The following EPHB1 variants were observed in gnomAD, a reference collection of about 807,000 sequenced individuals.
The protein encoded by EPHB1 is EPH receptor B1, also known as ephrin type-B receptor 1.
In EPHB1, 30 loss-of-function variants were observed where a neutral mutation model predicts 94.4. That is an observed-to-expected ratio of 0.32 (90% CI 0.24 to 0.43). The LOEUF is 0.43. Ranked by LOEUF, EPHB1 falls within the 20% of genes least tolerant of loss-of-function variation. EPHB1 has a pLI of 1.00. For synonymous variants in EPHB1, 522 were observed against 489.1 expected, an observed-to-expected ratio of 1.07 and a Z score of -0.89; for missense variants, 1,055 against 1,308.3, an observed-to-expected ratio of 0.81 and a Z score of 2.99.
At chr3:135,172,250 G>A (rs545757167) in intron 9 of EPHB1, among the ~76,000 whole-genome samples, 1 of 152,324 alleles carries the variant, frequency 6.6e-6, no homozygotes, top group African/African-American at 2.4e-5. Flanking sequence ...TCATCATCCA[G>A]CATAATGCCA....
intron 3 of EPHB1, among the ~76,000 whole-genome samples, chr3:134,963,931 C>T (rs1933627272): frequency 6.6e-6 from 1 of 152,196 alleles, no homozygotes; most frequent in South Asian, 2.1e-4. Context: ...TGATCATATT[C>T]ACCAGTGAGA....
chr3:134,941,694 A>G (rs555160895), intron 2 of EPHB1, among the ~76,000 whole-genome samples: 271 of 151,934 alleles, frequency 1.8e-3, no homozygotes, highest in African/African-American at 6.3e-3. Flanking sequence ...TGATTTTGAA[A>G]GGGGAACAGT....
chr3:135,013,701 T>C (rs1326564344), intron 3 of EPHB1, among the ~76,000 whole-genome samples: 4 of 152,190 alleles, frequency 2.6e-5, no homozygotes, highest in Non-Finnish European at 5.9e-5. Flanking sequence ...CCAAATATAT[T>C]CCCAAAGAGA....
At chr3:135,257,671 G>T (rs561077597) in intron 15 of EPHB1, among the ~76,000 whole-genome samples, 2 of 149,900 alleles carry the variant, frequency 1.3e-5, no homozygotes, top group African/African-American at 4.9e-5. Context: ...CTGTCTTTTT[G>T]TTTGTCTGTG....
At position 135,259,172 on chromosome 3, in the gene EPHB1, G is replaced by C; in HGVS notation, c.*52G>C. 2 of 1,412,090 alleles carry C rather than the reference G, an allele frequency of 1.4e-6. No homozygotes were observed. The highest frequency in any genetic ancestry group is 2.0e-6 in the Non-Finnish European group (2 of 1,017,046). 87.5% of individuals were successfully genotyped at this position (1,412,090 alleles called of 1,614,324 possible). On this transcript the variant is annotated 3_prime_UTR_variant, in exon 16 of 16. Transcript: ENST00000398015. ...GGAGGGAAAAGGACCAGGGTCAAGG[G>C]GGACCAGAGGTTGACCACTGTGGAA...
chr3:134,990,818 T>C (rs1399633901), intron 3 of EPHB1, among the ~76,000 whole-genome samples: 1 of 152,232 alleles, frequency 6.6e-6, no homozygotes, highest in Non-Finnish European at 1.5e-5. Context: ...AATCTGCACA[T>C]GTGGAAACCA....
chr3:134,849,911 A>C (rs1217687337), intron 1 of EPHB1, among the ~76,000 whole-genome samples: 1 of 152,146 alleles, frequency 6.6e-6, no homozygotes, highest in East Asian at 1.9e-4. Context: ...TGCTCCAAGA[A>C]GCCTCTTATT....
At chr3:135,190,841 G>C (rs916607777) in intron 10 of EPHB1, among the ~76,000 whole-genome samples, 1 of 152,190 alleles carries the variant, frequency 6.6e-6, no homozygotes, top group Non-Finnish European at 1.5e-5. Context: ...TGGCATGTCT[G>C]CTATGTGCCA....
chr3:134,822,012 AAGG>A (rs1279548963), intron 1 of EPHB1, among the ~76,000 whole-genome samples: 1 of 152,180 alleles, frequency 6.6e-6, no homozygotes, highest in East Asian at 1.9e-4. Flanking sequence ...CAATGTTGAA[AAGG>A]AGGAGGAGGA....
chr3:134,909,604 C>T (rs1241974982), intron 1 of EPHB1, among the ~76,000 whole-genome samples: 1 of 152,194 alleles, frequency 6.6e-6, no homozygotes, highest in African/African-American at 2.4e-5. Flanking sequence ...AGACACAGAA[C>T]AAACCTCCAG....
intron 9 of EPHB1, among the ~76,000 whole-genome samples, chr3:135,173,319 C>T (rs1485856598): frequency 1.3e-5 from 2 of 152,184 alleles, no homozygotes; most frequent in Non-Finnish European, 1.5e-5. Context: ...CAGGCGTGAG[C>T]CACCGCGCCC....
At chr3:135,119,501 G>A (rs1347586834) in intron 4 of EPHB1, among the ~76,000 whole-genome samples, 1 of 151,822 alleles carries the variant, frequency 6.6e-6, no homozygotes, top group Non-Finnish European at 1.5e-5. Context: ...TGCCCAGGCT[G>A]GGGTGCAGTG....
At chr3:135,000,476 C>A (rs185375505) in intron 3 of EPHB1, among the ~76,000 whole-genome samples, 83 of 152,336 alleles carry the variant, frequency 5.4e-4, no homozygotes, top group Admixed American at 4.4e-3. Flanking sequence ...CTATCCCAAG[C>A]AAGTCATTTT....
chr3:134,885,012 A>G (rs960104018), intron 1 of EPHB1, among the ~76,000 whole-genome samples: 2 of 152,258 alleles, frequency 1.3e-5, no homozygotes, highest in Admixed American at 1.3e-4. Flanking sequence ...GAATTCCCCA[A>G]GTCATTGTAG....
chr3:134,908,878 CTG>C (rs1236613938), intron 1 of EPHB1, among the ~76,000 whole-genome samples: 1 of 151,988 alleles, frequency 6.6e-6, no homozygotes, highest in Non-Finnish European at 1.5e-5. Context: ...CCTGGAGAGA[CTG>C]TAGGATGCTC....
rs397966930 is a variant in EPHB1, at chr3:134,811,242, G to GTTTTTTTTTTTTTT, written c.58+15561_58+15574dup. 5.3e-3 allele frequency among the ~76,000 whole-genome samples: 392 copies of GTTTTTTTTTTTTTT among 73,840 alleles called. 31 individuals are homozygous for GTTTTTTTTTTTTTT. Among genetic ancestry groups the GTTTTTTTTTTTTTT allele is most frequent in the Non-Finnish European group, 7.5e-3 (274 of 36,374 alleles). 48.4% of individuals were successfully genotyped at this position (73,840 alleles called of 152,430 possible). ...TCTCATAGTTGCCCCTACTAAGAAGGTTTTTTTTTTTTTTTTTTTTTCTGT... is the reference window on the plus strand; with the variant it reads ...TCTCATAGTTGCCCCTACTAAGAAGGTTTTTTTTTTTTTTTTTTTTTTTTTTTTTTTTTTTCTGT... On this transcript the variant is annotated intron_variant, in intron 1 of 15. Transcript: ENST00000398015.
intron 3 of EPHB1, among the ~76,000 whole-genome samples, chr3:135,013,070 C>T (rs755294129): frequency 1.3e-5 from 2 of 152,158 alleles, no homozygotes; most frequent in African/African-American, 2.4e-5. Flanking sequence ...GAAAGCCTTT[C>T]AACCTCCAAA....
At chr3:135,040,637 G>A (rs1936802893) in intron 3 of EPHB1, among the ~76,000 whole-genome samples, 1 of 152,246 alleles carries the variant, frequency 6.6e-6, no homozygotes, top group Non-Finnish European at 1.5e-5. Context: ...AGAAGGAGCT[G>A]CTGTTGAGGA....
chr3:134,946,786 C>G (rs1156262316), intron 2 of EPHB1, among the ~76,000 whole-genome samples: 1 of 98,418 alleles, frequency 1.0e-5, no homozygotes, highest in Non-Finnish European at 1.9e-5. Flanking sequence ...TGTGACATGC[C>G]TGCTCCTCCA....
Sources: gnomAD v4.1 joint callset for allele counts (sites outside exome capture counted in the v4.1 genomes callset) on GRCh38, gnomAD v4.1.1 for gene constraint, MANE v1.5 for transcripts, NCBI Gene and HGNC (gene_info 2026-07-23, HGNC 2026-07-21) for gene names.